COL15A1: variants seen among roughly 807,000 people sequenced by gnomAD.
COL15A1 encodes the protein collagen type XV alpha 1 chain.
A neutral mutation model predicts 165.9 loss-of-function variants in COL15A1; 111 were observed. The ratio of observed to expected loss-of-function variants is 0.67; its 90% CI spans 0.57 to 0.78. The LOEUF (loss-of-function observed/expected upper bound fraction) is 0.78, where lower values mean the gene tolerates loss of function less well. Among genes scored for constraint, COL15A1 ranks in the 30% least tolerant of loss-of-function variants. The pLI is 0.00. For missense variants in COL15A1, 1,745 were observed against 1,789.7 expected (o/e 0.98, Z 0.45); for synonymous variants, 659 against 674.8 (o/e 0.98, Z 0.36).
intron 2 of COL15A1, among the ~76,000 whole-genome samples, chr9:98,978,880 G>A (rs944447331): frequency 6.6e-6 from 1 of 151,904 alleles, no homozygotes; most frequent in Non-Finnish European, 1.5e-5. Context: ...CCACTGCCCC[G>A]TTTCTTGTGT....
Position 99,034,601 on chromosome 9 carries a change from A to T in COL15A1, c.2079+17A>T. ...GGTGAAAAGGTAAAAAAAAAAAAAAAAAAAAAAAAAAAAGAACTTTCTTCT... is the reference window on the plus strand; with the variant it reads ...GGTGAAAAGGTAAAAAAAAAAAAAATAAAAAAAAAAAAAGAACTTTCTTCT... On this transcript the variant is annotated intron_variant, in intron 17 of 41. Coordinates refer to ENST00000375001, the MANE Select transcript of COL15A1 (RefSeq NM_001855.5). The T allele has an allele frequency of 6.8e-7, 1 of 1,479,748 alleles. No homozygotes were observed. 91.7% of individuals were successfully genotyped at this position (1,479,748 alleles called of 1,614,324 possible).
At chr9:99,058,321 A>G (rs1825758924) in intron 35 of COL15A1, among the ~76,000 whole-genome samples, 4 of 152,228 alleles carry the variant, frequency 2.6e-5, no homozygotes, top group Admixed American at 2.6e-4. Flanking sequence ...AGGAGGTCGG[A>G]TCACATGAGA....
Position 98,987,515 on chromosome 9 carries a change from G to A in COL15A1, c.723+147G>A, listed in dbSNP as rs187019869. 1.7e-4 allele frequency: 112 copies of A among 651,318 alleles called. 1 individual carries two copies. The highest frequency in any genetic ancestry group is 1.6e-3 in the African/African-American group (83 of 53,240). 40.3% of individuals were successfully genotyped at this position (651,318 alleles called of 1,614,324 possible). On this transcript the variant is annotated intron_variant, in intron 4 of 41. Transcript: ENST00000375001. ...TCAAGTCCTATTTTGGGCTTTTGGCGTGATTTCACTTTTTAAAGAGCATCA... is the reference window on the plus strand; with the variant it reads ...TCAAGTCCTATTTTGGGCTTTTGGCATGATTTCACTTTTTAAAGAGCATCA...
At chr9:99,043,986 A>C (rs1839453312) in intron 24 of COL15A1, among the ~76,000 whole-genome samples, 2 of 152,178 alleles carry the variant, frequency 1.3e-5, no homozygotes, top group South Asian at 4.1e-4. Flanking sequence ...ACAGGAGCTT[A>C]GAGTTTGGAG....
chr9:98,966,969 A>G (rs1217581262), intron 2 of COL15A1, among the ~76,000 whole-genome samples: 1 of 152,194 alleles, frequency 6.6e-6, no homozygotes, highest in Non-Finnish European at 1.5e-5. Flanking sequence ...TCTAGAGTCC[A>G]TTAAGCTCAT....
chr9:98,980,065 T>C (rs1838210862), intron 2 of COL15A1, among the ~76,000 whole-genome samples: 1 of 151,104 alleles, frequency 6.6e-6, no homozygotes, highest in Admixed American at 6.6e-5. Context: ...GGCTGAGAGG[T>C]GGAAGGGTCA....
Position 98,945,825 on chromosome 9 carries a change from T to C in COL15A1, c.100+1575T>C, listed in dbSNP as rs572563785. 2.0e-5 allele frequency among the ~76,000 whole-genome samples: 3 copies of C among 152,352 alleles called. No individual in the cohort carries two copies. The South Asian group carries it at 6.2e-4, about 32-fold the overall frequency. On this transcript the variant is annotated intron_variant, in intron 2 of 41. Coordinates refer to ENST00000375001, the MANE Select transcript of COL15A1 (RefSeq NM_001855.5). ...GGTCTTTTGTGAACTTTGCTGCAACTTCCAGTTTCCCAAAAGGAAGATGGA... is the reference window on the plus strand; with the variant it reads ...GGTCTTTTGTGAACTTTGCTGCAACCTCCAGTTTCCCAAAAGGAAGATGGA...
rs185725049 is a variant in COL15A1 at position 98,968,058 on chromosome 9, T to C, written c.101-17507T>C. 2.6e-5 allele frequency among the ~76,000 whole-genome samples: 4 copies of C among 152,326 alleles called. No homozygotes were observed. The East Asian group carries it at 7.7e-4, about 29-fold the overall frequency. ...GGATAAGCAGACGGGCTATGGAGTT[T>C]GAACCCAGGTTGTCTGGGTCCAAAA... On this transcript the variant is annotated intron_variant, in intron 2 of 41. Transcript: ENST00000375001.
intron 39 of COL15A1, 106 bp downstream of exon 39, chr9:99,063,215 T>A: frequency 7.7e-7 from 1 of 1,293,784 alleles, no homozygotes; most frequent in Non-Finnish European, 1.0e-6. Flanking sequence ...ACTTATAGAC[T>A]AGTGAGAGAG....
intron 2 of COL15A1, 74 bp downstream of exon 2, chr9:98,944,324 C>T (rs1837539544): frequency 7.2e-7 from 1 of 1,383,728 alleles, no homozygotes; most frequent in African/African-American, 1.4e-5. Context: ...GCGGCGGACG[C>T]GGCTGCGATG....
chr9:98,944,504 G>A (rs1837543864), intron 2 of COL15A1, among the ~76,000 whole-genome samples: 1 of 152,166 alleles, frequency 6.6e-6, no homozygotes, highest in African/African-American at 2.4e-5. Flanking sequence ...AGCTGGGTGC[G>A]GAGCCTCCAA....
At chr9:99,024,340 G>A (rs954930068) in intron 14 of COL15A1, among the ~76,000 whole-genome samples, 1 of 147,746 alleles carries the variant, frequency 6.8e-6, no homozygotes, top group African/African-American at 2.5e-5. Flanking sequence ...GAGTGCAGTG[G>A]CGCGGTCTCG....
At chr9:99,030,380 T>C (rs137965059) in intron 16 of COL15A1, among the ~76,000 whole-genome samples, 510 of 152,360 alleles carry the variant, frequency 3.3e-3, no homozygotes, top group African/African-American at 0.011. Context: ...ATCACCATTT[T>C]GGGAATAGGA....
intron 2 of COL15A1, among the ~76,000 whole-genome samples, chr9:98,978,199 T>C (rs1444856426): frequency 2.6e-5 from 4 of 152,210 alleles, no homozygotes; most frequent in Non-Finnish European, 5.9e-5. Flanking sequence ...AGCAGACTCC[T>C]AGGCATAAGA....
chr9:99,068,549 C>T lies in COL15A1; in HGVS notation c.3838-6C>T, dbSNP rs755173119. 1 of 1,413,804 alleles carries T rather than the reference C, an allele frequency of 7.1e-7. No individual in the cohort carries two copies. The highest frequency in any genetic ancestry group is 1.5e-5 in the African/African-American group (1 of 66,416). 87.6% of individuals were successfully genotyped at this position (1,413,804 alleles called of 1,614,324 possible). A position where few individuals can be genotyped will look rare whatever the true frequency, so the allele number is the denominator to read the frequency against. Reference sequence around the variant, plus strand: ...ATGATTCTAATGTGGTATTTTGTCTCTATAGGGCCAAGTACTTTTTAATAA... The same window carrying T: ...ATGATTCTAATGTGGTATTTTGTCTTTATAGGGCCAAGTACTTTTTAATAA... On this transcript the variant is annotated splice_region_variant and splice_polypyrimidine_tract_variant and intron_variant, in intron 40 of 41. Transcript: ENST00000375001.
At chr9:98,956,384 CT>C (rs1343067214) in intron 2 of COL15A1, among the ~76,000 whole-genome samples, 2 of 152,090 alleles carry the variant, frequency 1.3e-5, no homozygotes, top group Non-Finnish European at 1.5e-5. Context: ...TTATATAGTG[CT>C]TTTTATGTGC....
chr9:99,054,587 G>T lies in COL15A1; in HGVS notation c.2962G>T (p.Glu988Ter). The T allele has an allele frequency of 6.2e-7, 1 of 1,611,942 alleles. No individual in the cohort carries two copies. The highest frequency in any genetic ancestry group is 1.7e-5 in the Admixed American group (1 of 59,506). ...ELITFHGVKG[E>*]KGSWGLPGSK... The stretch of plus-strand genomic sequence containing the variant: ...GTGTTTGGTGGCAGGTGTTAAAGGA[G>T]AGAAAGGATCCTGGGGTCTTCCTGG... The change falls in exon 32 of 42, where the codon GAG becomes TAG. Residue 988 changes from glutamate (E) to a stop codon, truncating the protein, a stop_gained. Transcript: ENST00000375001. LOFTEE classifies it high-confidence loss of function.
At chr9:99,069,551 G>A in intron 41 of COL15A1, 122 bp from the exon 42 acceptor site, 1 of 1,264,784 alleles carries the variant, frequency 7.9e-7, no homozygotes, top group Non-Finnish European at 1.1e-6. Flanking sequence ...GGATAGAGAA[G>A]TGATTTGGCA....
At chr9:99,049,797 C>G (rs1486236252) in intron 29 of COL15A1, 39 bp downstream of exon 29, 3 of 1,614,124 alleles carry the variant, frequency 1.9e-6, no homozygotes, top group Non-Finnish European at 2.5e-6. Context: ...CCCGATTGGC[C>G]TAAGCTGGAG....
Sources: gnomAD v4.1 joint callset for allele counts (sites outside exome capture counted in the v4.1 genomes callset) on GRCh38, gnomAD v4.1.1 for gene constraint, MANE v1.5 for transcripts, NCBI Gene and HGNC (gene_info 2026-07-23, HGNC 2026-07-21) for gene names.